ZNF366: variants seen among roughly 807,000 people sequenced by gnomAD.
ZNF366 encodes the protein zinc finger protein 366.
Under a neutral mutation model 47.2 loss-of-function variants are expected in ZNF366, and 20 were observed. That is an observed-to-expected ratio of 0.42 (90% CI 0.30 to 0.62). The LOEUF is 0.62. Among genes scored for constraint, ZNF366 ranks in the 20% least tolerant of loss-of-function variants. ZNF366 has a pLI of 0.16. For missense variants in ZNF366, 987 were observed against 976.3 expected, an observed-to-expected ratio of 1.01 and a Z score of -0.15; for synonymous variants, 421 against 395.1, an observed-to-expected ratio of 1.07 and a Z score of -0.78.
chr5:72,471,262 T>C (rs1743557764), intron 1 of ZNF366, among the ~76,000 whole-genome samples: 1 of 152,236 alleles, frequency 6.6e-6, no homozygotes, highest in African/African-American at 2.4e-5. Context: ...TATTTCTGCC[T>C]TCTGATGAAT....
intron 1 of ZNF366, among the ~76,000 whole-genome samples, chr5:72,466,306 G>A (rs1402886790): frequency 6.6e-6 from 1 of 152,192 alleles, no homozygotes; most frequent in Non-Finnish European, 1.5e-5. Context: ...TTGCTATTAC[G>A]GAGATGTTTT....
chr5:72,452,905 A>G (rs1743102967), intron 3 of ZNF366, among the ~76,000 whole-genome samples: 1 of 152,204 alleles, frequency 6.6e-6, no homozygotes, highest in South Asian at 2.1e-4. Context: ...ATTTCTGAAA[A>G]GTGGCTTAAG....
intron 1 of ZNF366, among the ~76,000 whole-genome samples, chr5:72,506,977 C>T (rs1366674804): frequency 6.6e-6 from 1 of 152,176 alleles, no homozygotes; most frequent in Non-Finnish European, 1.5e-5. Context: ...CCTGGTTCTC[C>T]CAGCCACATG....
rs1020047757 is a variant in ZNF366 at position 72,443,514 on chromosome 5, T to C, written c.*242A>G. The C allele has an allele frequency of 2.8e-5, 13 of 457,124 alleles. No homozygotes were observed. The highest frequency in any genetic ancestry group is 2.3e-4 in the African/African-American group (12 of 51,276). 28.3% of individuals were successfully genotyped at this position (457,124 alleles called of 1,614,324 possible). On this transcript the variant is annotated 3_prime_UTR_variant, in exon 5 of 5. Coordinates refer to ENST00000318442, the MANE Select transcript of ZNF366 (RefSeq NM_152625.3). The stretch of plus-strand genomic sequence containing the variant: ...AGATATCTGGAAGAATACTCACAGT[T>C]TATTATACTGGCAATGCATAAAACG...
Position 72,507,264 on chromosome 5 carries a change from C to T in ZNF366, c.-28G>A. 1.4e-5 allele frequency: 14 copies of T among 985,550 alleles called. No individual in the cohort carries two copies. The highest frequency in any genetic ancestry group is 1.7e-5 in the Non-Finnish European group (14 of 830,048). 61.1% of individuals were successfully genotyped at this position (985,550 alleles called of 1,614,324 possible). On this transcript the variant is annotated 5_prime_UTR_variant, in exon 1 of 5. Transcript: ENST00000318442. ...TGGGTAACTTACCAGCTCCTGAGGT[C>T]TGAATGGCTGCAGCAGCCCCACTCC... is the stretch of plus-strand genomic sequence containing the variant.
chr5:72,486,802 G>A (rs1011545300), intron 1 of ZNF366, among the ~76,000 whole-genome samples: 1 of 151,550 alleles, frequency 6.6e-6, no homozygotes, highest in African/African-American at 2.4e-5. Context: ...TTTTTAGATG[G>A]AGTCACTCTG....
Position 72,441,872 on chromosome 5 carries a change from T to C in ZNF366, c.*1884A>G, listed in dbSNP as rs1742860476. 6.6e-6 allele frequency: 1 copy of C among 152,212 alleles called. No homozygotes were observed. The allele number at this position is 152,212 out of a possible 1,614,324, so 9.4% of individuals were successfully genotyped here. A position where few individuals can be genotyped will look rare whatever the true frequency, so the allele number is the denominator to read the frequency against. ...AACAGACACAGTACCAGAGGGTTAT[T>C]GCTATGGGCAGTCACACGTACACGA... is the stretch of plus-strand genomic sequence containing the variant. On this transcript the variant is annotated 3_prime_UTR_variant, in exon 5 of 5. Transcript: ENST00000318442.
Position 72,461,313 on chromosome 5 carries a change from C to T in ZNF366, c.184G>A (p.Gly62Arg), listed in dbSNP as rs753860951. ...FSQFRYEPPP[G>R]DLDGFPGVFE... is the part of the protein sequence containing the mutation. ...ACCCCGGGGAACCCATCTAGGTCTC[C>T]TGGGGGAGGTTCATACCGAAACTGG... The change falls in exon 2 of 5, where the codon GGA (glycine) becomes AGA (arginine). Residue 62 changes from glycine to arginine, a missense_variant. Physicochemically the swap from Gly to Arg is moderately radical, Grantham distance 125. Around this residue, in one of 3 missense-constraint regions of ZNF366, gnomAD observed 591 missense variants for 560.9 expected, o/e 1.05. Transcript: ENST00000318442. 1.9e-6 allele frequency: 3 copies of T among 1,614,030 alleles called. No homozygotes were observed. Among genetic ancestry groups the T allele is most frequent in the Middle Eastern group, 1.6e-4 (1 of 6,062 alleles).
Position 72,461,491 on chromosome 5 carries a change from C to T in ZNF366, c.6G>A (p.Gln2=). 1 of 1,540,792 alleles carries T rather than the reference C, an allele frequency of 6.5e-7. No homozygotes were observed. The highest frequency in any genetic ancestry group is 8.7e-7 in the Non-Finnish European group (1 of 1,145,068). The change falls in exon 2 of 5, where the codon CAG becomes CAA. Residue 2 remains glutamine (Q), a synonymous_variant. Transcript: ENST00000318442. ...CGTCTTTGATCATCTTCATTTCCTT[C>T]TGCATCCTTGGCAATTTTCCTTTAA... M[Q]KEMKMIKDED...
At chr5:72,500,592 T>C (rs756246949) in intron 1 of ZNF366, among the ~76,000 whole-genome samples, 13 of 152,196 alleles carry the variant, frequency 8.5e-5, no homozygotes, top group Non-Finnish European at 1.5e-4. Context: ...CAGAGCTGAA[T>C]AGATTGGAGA....
intron 1 of ZNF366, among the ~76,000 whole-genome samples, chr5:72,481,072 C>T (rs1242309043): frequency 6.6e-6 from 1 of 152,180 alleles, no homozygotes; most frequent in Non-Finnish European, 1.5e-5. Flanking sequence ...TGACTCAGCT[C>T]TCTGGGTGTT....
chr5:72,445,587 C>T (rs1197973872), intron 4 of ZNF366, among the ~76,000 whole-genome samples: 3 of 152,154 alleles, frequency 2.0e-5, no homozygotes, highest in Non-Finnish European at 2.9e-5. Flanking sequence ...TTTTTCAAAG[C>T]AACCCTCTGA....
chr5:72,451,880 G>C (rs771243428), intron 3 of ZNF366, among the ~76,000 whole-genome samples: 2 of 152,178 alleles, frequency 1.3e-5, no homozygotes, highest in Admixed American at 6.5e-5. Flanking sequence ...TGTGTGCTCC[G>C]GGCCTCCTCG....
chr5:72,447,534 G>T (rs2112315752), intron 3 of ZNF366, 117 bp from the exon 4 acceptor site: 1 of 1,246,848 alleles, frequency 8.0e-7, no homozygotes, highest in Non-Finnish European at 1.1e-6. Flanking sequence ...TAATCTGCTT[G>T]CAAGGAAAAT....
chr5:72,489,292 A>G (rs1436985142), intron 1 of ZNF366, among the ~76,000 whole-genome samples: 3 of 152,204 alleles, frequency 2.0e-5, no homozygotes, highest in Admixed American at 2.0e-4. Flanking sequence ...AACCTGAAAC[A>G]TTTCAGATAA....
At chr5:72,448,141 T>C (rs1742995014) in intron 3 of ZNF366, among the ~76,000 whole-genome samples, 1 of 152,212 alleles carries the variant, frequency 6.6e-6, no homozygotes, top group Non-Finnish European at 1.5e-5. Flanking sequence ...TTAAGTTGCT[T>C]TATTTTCTAA....
chr5:72,480,432 C>T (rs1743769572), intron 1 of ZNF366, among the ~76,000 whole-genome samples: 1 of 151,998 alleles, frequency 6.6e-6, no homozygotes, highest in Admixed American at 6.5e-5. Context: ...TGACTTGGTT[C>T]TGGTGGATTT....
chr5:72,481,296 T>C (rs1743786009), intron 1 of ZNF366, among the ~76,000 whole-genome samples: 2 of 152,192 alleles, frequency 1.3e-5, no homozygotes, highest in African/African-American at 4.8e-5. Flanking sequence ...TTTATTACCA[T>C]TGTAAATAGA....
chr5:72,467,402 A>G (rs1345087006), intron 1 of ZNF366, among the ~76,000 whole-genome samples: 2 of 152,208 alleles, frequency 1.3e-5, no homozygotes, highest in Non-Finnish European at 2.9e-5. Flanking sequence ...TTGACCCATA[A>G]GGACCAATGA....
Sources: allele counts gnomAD v4.1 joint callset (sites outside exome capture counted in the v4.1 genomes callset), GRCh38; gene constraint gnomAD v4.1.1; regional missense constraint gnomAD v4.1.1; transcripts MANE v1.5; gene names NCBI Gene and HGNC (gene_info 2026-07-23, HGNC 2026-07-21).